Variants in ADK observed in about 807,000 individuals in gnomAD.
The protein encoded by ADK is adenosine kinase, also known as N6,N6-dimethyladenosine kinase.
In ADK, 24 loss-of-function variants were observed where a neutral mutation model predicts 44.7. The observed-to-expected ratio is 0.54, with a 90% CI of 0.39 to 0.76. The LOEUF is 0.76. Ranked by LOEUF, ADK falls within the 30% of genes least tolerant of loss-of-function variation. The pLI, the probability that ADK is intolerant of heterozygous loss-of-function variation, is 0.00. For synonymous variants in ADK, 128 were observed against 142.6 expected, an observed-to-expected ratio of 0.90 and a Z score of 0.73; for missense variants, 321 against 425.1, an observed-to-expected ratio of 0.76 and a Z score of 2.15.
chr10:74,457,161 C>A lies in ADK; in HGVS notation c.555+58582C>A, dbSNP rs1845979654. On this transcript the variant is annotated intron_variant, in intron 6 of 10. Coordinates refer to ENST00000539909, the MANE Select transcript of ADK (RefSeq NM_006721.4). ...TGATAAAGGGGATATCACTACTGAT[C>A]CCACAGAAGTACAAACTACCATCAG... 2.6e-5 allele frequency among the ~76,000 whole-genome samples: 4 copies of A among 152,096 alleles called. No homozygotes were observed. In the South Asian group the frequency reaches 8.3e-4, roughly 31 times the overall value.
intron 4 of ADK, among the ~76,000 whole-genome samples, chr10:74,347,887 T>C (rs1055967345): frequency 1.3e-5 from 2 of 151,940 alleles, no homozygotes; most frequent in Admixed American, 6.6e-5. Flanking sequence ...CTGGACAGGG[T>C]ATTTGTGAAA....
intron 1 of ADK, among the ~76,000 whole-genome samples, chr10:74,164,814 G>A: frequency 6.6e-6 from 1 of 152,070 alleles, no homozygotes; most frequent in East Asian, 1.9e-4. Context: ...AGAGACCTTT[G>A]ACCTCAGTTC....
rs1046622942 is a variant in ADK at position 74,557,563 on chromosome 10, G to A, written c.727-31719G>A. Among the ~76,000 whole-genome samples, 6 of 152,018 alleles carry A rather than the reference G, an allele frequency of 3.9e-5. No individual in the cohort carries two copies. In the East Asian group the frequency reaches 1.2e-3, roughly 29 times the overall value. The stretch of plus-strand genomic sequence containing the variant: ...ATCTTTGTTATTAGTTTTAAAATAT[G>A]TCCTTCTAGACATATTTTATTGTAA... On this transcript the variant is annotated intron_variant, in intron 7 of 10. Coordinates refer to ENST00000539909, the MANE Select transcript of ADK (RefSeq NM_006721.4).
rs763315234 is a variant in ADK, at chr10:74,600,453, G to C, written c.837G>C (p.Val279=). 1.2e-6 allele frequency: 2 copies of C among 1,611,260 alleles called. No homozygotes were observed. The highest frequency in any genetic ancestry group is 2.2e-5 in the South Asian group (2 of 90,786). ...TGAACTCAAAGAGGCAGCGAATCGT[G>C]ATCTTCACCCAAGGGAGAGATGACA... The part of the protein sequence containing the change: ...PKMNSKRQRI[V]IFTQGRDDTI... Residue 279 remains valine, a synonymous_variant, in exon 9 of 11, where the codon GTG becomes GTC. Coordinates refer to ENST00000539909, the MANE Select transcript of ADK (RefSeq NM_006721.4).
intron 4 of ADK, chr10:74,371,979 AAC>A: frequency 1.2e-6 from 1 of 838,746 alleles, no homozygotes; most frequent in Non-Finnish European, 2.1e-6. Context: ...TGCTTTGTGT[AAC>A]ACAGATTCTC....
chr10:74,382,942 T>C (rs1843019799), intron 4 of ADK, among the ~76,000 whole-genome samples: 1 of 151,920 alleles, frequency 6.6e-6, no homozygotes, highest in South Asian at 2.1e-4. Context: ...TTTCAGGATG[T>C]TTATTGGATT....
intron 4 of ADK, among the ~76,000 whole-genome samples, chr10:74,338,647 TA>T (rs112089340): frequency 1.3e-4 from 20 of 150,886 alleles, no homozygotes; most frequent in Admixed American, 4.6e-4. Context: ...TCACACGAAG[TA>T]AAAAAAAAGC....
At chr10:74,678,593 G>A (rs1054394530) in intron 10 of ADK, among the ~76,000 whole-genome samples, 1 of 152,210 alleles carries the variant, frequency 6.6e-6, no homozygotes, top group Non-Finnish European at 1.5e-5. Context: ...GACACAGACA[G>A]TCTGAACCAT....
intron 7 of ADK, among the ~76,000 whole-genome samples, chr10:74,537,651 C>A (rs899230640): frequency 1.3e-5 from 2 of 152,108 alleles, no homozygotes; most frequent in Admixed American, 1.3e-4. Context: ...CCTTTCAAGG[C>A]TCCATAATCA....
intron 6 of ADK, among the ~76,000 whole-genome samples, chr10:74,415,959 G>T (rs1329030694): frequency 3.3e-5 from 5 of 151,438 alleles, no homozygotes; most frequent in Non-Finnish European, 5.9e-5. Context: ...GTGTTATAAA[G>T]AGTCTTTTAA....
chr10:74,281,046 C>T (rs922395294), intron 3 of ADK, among the ~76,000 whole-genome samples: 1 of 152,118 alleles, frequency 6.6e-6, no homozygotes, highest in Non-Finnish European at 1.5e-5. Context: ...GCTCCAAAAT[C>T]TGAAACATTT....
At position 74,673,226 on chromosome 10, in the gene ADK, G is replaced by C. The variant is rs1855248231; in HGVS notation, c.964+2957G>C. ...AGTCCCTGGTGAGTTTCAACCAAGAGCTTTTTGCTAAGCAGTAGAATCGAT... is the reference window on the plus strand; with the variant it reads ...AGTCCCTGGTGAGTTTCAACCAAGACCTTTTTGCTAAGCAGTAGAATCGAT... On this transcript the variant is annotated intron_variant, in intron 10 of 10. Transcript: ENST00000539909. Among the ~76,000 whole-genome samples, 4 of 152,238 alleles carry C rather than the reference G, an allele frequency of 2.6e-5. No homozygotes were observed. The South Asian group carries it at 8.3e-4, about 32-fold the overall frequency.
intron 1 of ADK, among the ~76,000 whole-genome samples, chr10:74,195,852 T>A (rs1843125416): frequency 6.6e-6 from 1 of 151,936 alleles, no homozygotes; most frequent in South Asian, 2.1e-4. Context: ...AATTTTTGTA[T>A]TTTTTGTAGA....
intron 1 of ADK, among the ~76,000 whole-genome samples, chr10:74,166,722 T>A (rs1842046087): frequency 6.6e-6 from 1 of 151,202 alleles, no homozygotes; most frequent in African/African-American, 2.4e-5. Flanking sequence ...AAAGAAATGG[T>A]TAAAATAGGA....
At chr10:74,281,900 A>G (rs1042585325) in intron 3 of ADK, among the ~76,000 whole-genome samples, 3 of 152,136 alleles carry the variant, frequency 2.0e-5, no homozygotes, top group African/African-American at 7.2e-5. Context: ...GGTAATTTTA[A>G]TCTTTTGTTT....
At chr10:74,486,502 C>G (rs1242550396) in intron 6 of ADK, among the ~76,000 whole-genome samples, 1 of 152,094 alleles carries the variant, frequency 6.6e-6, no homozygotes, top group Non-Finnish European at 1.5e-5. Flanking sequence ...AACACACCAA[C>G]AGGTATAGTT....
intron 7 of ADK, among the ~76,000 whole-genome samples, chr10:74,574,982 T>TG (rs982454996): frequency 8.5e-5 from 13 of 152,196 alleles, no homozygotes; most frequent in African/African-American, 1.9e-4. Flanking sequence ...ATAAACTAGG[T>TG]GGGGGGGAAA....
intron 3 of ADK, among the ~76,000 whole-genome samples, chr10:74,229,391 C>A (rs1280156303): frequency 1.0e-5 from 1 of 97,238 alleles, no homozygotes; most frequent in African/African-American, 4.3e-5. Context: ...ATCTGGTATG[C>A]TTTTTTTTTT....
intron 6 of ADK, among the ~76,000 whole-genome samples, chr10:74,498,703 G>A (rs1847782886): frequency 6.6e-6 from 1 of 151,738 alleles, no homozygotes; most frequent in African/African-American, 2.4e-5. Flanking sequence ...CAGGCCTTGT[G>A]TGTGTTGTTC....
Sources: gnomAD v4.1 joint callset for allele counts (sites outside exome capture counted in the v4.1 genomes callset) on GRCh38, gnomAD v4.1.1 for gene constraint, MANE v1.5 for transcripts, NCBI Gene and HGNC (gene_info 2026-07-23, HGNC 2026-07-21) for gene names.